CEMIP: variants seen among roughly 807,000 people sequenced by gnomAD.
CEMIP encodes cell migration-inducing and hyaluronan-binding protein.
Under a neutral mutation model 156.9 loss-of-function variants are expected in CEMIP, and 105 were observed. The observed-to-expected ratio is 0.67, with a 90% confidence interval of 0.57 to 0.79. The LOEUF (loss-of-function observed/expected upper bound fraction) is 0.79. Among genes scored for constraint, CEMIP ranks in the 30% least tolerant of loss-of-function variants. The pLI is 0.00. For missense variants in CEMIP, 1,457 were observed against 1,769.4 expected (o/e 0.82, Z 3.17); for synonymous variants, 676 against 668.4 (o/e 1.01, Z -0.17).
chr15:80,862,944 T>A (rs1213386471), intron 1 of CEMIP, among the ~76,000 whole-genome samples: 1 of 152,148 alleles, frequency 6.6e-6, no homozygotes, highest in Non-Finnish European at 1.5e-5. Flanking sequence ...TGGCTTACCT[T>A]TTATCGTGGG....
chr15:80,792,302 A>T (rs115818862), intron 1 of CEMIP, among the ~76,000 whole-genome samples: 1,599 of 152,294 alleles, frequency 0.01, 22 homozygotes, highest in African/African-American at 0.036. Context: ...ACTGTTCTCC[A>T]TATTCTTTCT....
At chr15:80,870,321 C>A (rs1015608155) in intron 1 of CEMIP, among the ~76,000 whole-genome samples, 1 of 152,224 alleles carries the variant, frequency 6.6e-6, no homozygotes, top group South Asian at 2.1e-4. Context: ...TCGCCTCCTG[C>A]CTTACAGCTT....
chr15:80,832,958 G>A (rs1475890653), intron 1 of CEMIP, among the ~76,000 whole-genome samples: 3 of 152,098 alleles, frequency 2.0e-5, no homozygotes, highest in Admixed American at 2.0e-4. Context: ...GCCTTTCCGT[G>A]TGGCTTTCTC....
chr15:80,799,401 A>G (rs74030612), intron 1 of CEMIP, among the ~76,000 whole-genome samples: 1,714 of 152,340 alleles, frequency 0.011, 29 homozygotes, highest in African/African-American at 0.033. Flanking sequence ...AAGAGGCCAC[A>G]CTGGGACTCC....
intron 10 of CEMIP, among the ~76,000 whole-genome samples, chr15:80,892,240 T>C (rs1453834947): frequency 6.6e-6 from 1 of 152,014 alleles, no homozygotes; most frequent in African/African-American, 2.4e-5. Flanking sequence ...TCAAGGACAT[T>C]TGCAACCTAG....
chr15:80,810,643 CCA>C (rs1896646681), intron 1 of CEMIP, among the ~76,000 whole-genome samples: 1 of 152,234 alleles, frequency 6.6e-6, no homozygotes, highest in Non-Finnish European at 1.5e-5. Flanking sequence ...GCGTGAGCCA[CCA>C]TGCCCGGCCT....
At chr15:80,860,959 G>A (rs1014102496) in intron 1 of CEMIP, among the ~76,000 whole-genome samples, 2 of 152,032 alleles carry the variant, frequency 1.3e-5, no homozygotes, top group African/African-American at 4.8e-5. Context: ...CACCTTATCA[G>A]AGAGAGCTTT....
Position 80,878,764 on chromosome 15 carries a change from G to T in CEMIP, c.138G>T (p.Trp46Cys). The change falls in exon 4 of 30, where the codon TGG (tryptophan) becomes TGT (cysteine). Residue 46 changes from tryptophan (W) to cysteine (C), a missense_variant. By Grantham distance (215) the Trp-to-Cys change is radical. Around this residue, in one of 5 missense-constraint regions of CEMIP, gnomAD observed 309 missense variants for 340.8 expected, o/e 0.91. Coordinates refer to ENST00000394685, the MANE Select transcript of CEMIP (RefSeq NM_001293298.2). ...CPDQSPELQP[W>C]NPGHDQDHHV... Reference sequence around the variant, plus strand: ...ACCAGAGCCCTGAGTTGCAACCCTGGAACCCTGGCCATGACCAAGACCACC... The same window carrying T: ...ACCAGAGCCCTGAGTTGCAACCCTGTAACCCTGGCCATGACCAAGACCACC... The T allele has an allele frequency of 6.2e-7, 1 of 1,614,122 alleles. No individual in the cohort carries two copies. Among genetic ancestry groups the T allele is most frequent in the Non-Finnish European group, 8.5e-7 (1 of 1,180,010 alleles).
intron 1 of CEMIP, among the ~76,000 whole-genome samples, chr15:80,848,719 C>A (rs1292313875): frequency 1.3e-5 from 2 of 152,046 alleles, no homozygotes; most frequent in African/African-American, 2.4e-5. Flanking sequence ...GAAGCTGCAC[C>A]CAAGAAACCA....
At chr15:80,940,871 T>C (rs1474762729) in intron 25 of CEMIP, among the ~76,000 whole-genome samples, 1 of 152,156 alleles carries the variant, frequency 6.6e-6, no homozygotes, top group African/African-American at 2.4e-5. Flanking sequence ...TTTCAGCTAC[T>C]TGCTGCAAAC....
Position 80,818,579 on chromosome 15 carries a change from C to A in CEMIP, c.-176+38965C>A, listed in dbSNP as rs151183758. The stretch of plus-strand genomic sequence containing the variant: ...GTCCTGAACTCTAAGCTGCAGGGAG[C>A]ATTACTGATGTCAGAATAGCTCATC... On this transcript the variant is annotated intron_variant, in intron 1 of 29. Coordinates refer to ENST00000394685, the MANE Select transcript of CEMIP (RefSeq NM_001293298.2). 2.6e-3 allele frequency among the ~76,000 whole-genome samples: 391 copies of A among 152,318 alleles called. 1 individual carries two copies. The highest frequency in any genetic ancestry group is 4.6e-3 in the Non-Finnish European group (312 of 68,028).
At chr15:80,923,111 A>ACCTGTGCTTATGCC (rs1567102899) in intron 17 of CEMIP, among the ~76,000 whole-genome samples, 3 of 152,098 alleles carry the variant, frequency 2.0e-5, no homozygotes, top group Non-Finnish European at 4.4e-5. Flanking sequence ...TGCCTAGGAG[A>ACCTGTGCTTATGCC]TAGGGTGGGG....
At chr15:80,851,456 C>T (rs572555508) in intron 1 of CEMIP, among the ~76,000 whole-genome samples, 1 of 152,268 alleles carries the variant, frequency 6.6e-6, no homozygotes, top group East Asian at 1.9e-4. Context: ...AATAAGGTTC[C>T]CTGCCCTGCA....
At chr15:80,884,428 T>G (rs1898766950) in intron 7 of CEMIP, 74 bp downstream of exon 7, 1 of 1,478,446 alleles carries the variant, frequency 6.8e-7, no homozygotes, top group Non-Finnish European at 9.4e-7. Flanking sequence ...GAATTTACCT[T>G]TCCCATCTCC....
intron 19 of CEMIP, among the ~76,000 whole-genome samples, chr15:80,926,987 C>T (rs773994743): frequency 3.9e-5 from 6 of 152,056 alleles, no homozygotes; most frequent in Non-Finnish European, 5.9e-5. Context: ...TGCACCACCA[C>T]GCCAGGCTAA....
intron 1 of CEMIP, among the ~76,000 whole-genome samples, chr15:80,847,620 A>AAATT (rs1269714210): frequency 2.6e-5 from 4 of 152,216 alleles, no homozygotes; most frequent in Non-Finnish European, 5.9e-5. Flanking sequence ...TTTGACAAAC[A>AAATT]GCTGCAATTT....
chr15:80,828,641 G>A (rs994620115), intron 1 of CEMIP, among the ~76,000 whole-genome samples: 3 of 152,122 alleles, frequency 2.0e-5, no homozygotes, highest in Non-Finnish European at 4.4e-5. Context: ...ATACTTCCTA[G>A]CCTATTTATG....
At chr15:80,789,830 A>G (rs1353639196) in intron 1 of CEMIP, among the ~76,000 whole-genome samples, 1 of 152,242 alleles carries the variant, frequency 6.6e-6, no homozygotes, top group Non-Finnish European at 1.5e-5. Context: ...AAACATCTCC[A>G]TATAAAATTT....
At chr15:80,859,063 G>A (rs1011905049) in intron 1 of CEMIP, among the ~76,000 whole-genome samples, 15 of 152,348 alleles carry the variant, frequency 9.8e-5, no homozygotes, top group Admixed American at 6.5e-4. Context: ...AGCTTTCCCA[G>A]TAGTTCCAGC....
Sources: allele counts gnomAD v4.1 joint callset (sites outside exome capture counted in the v4.1 genomes callset), GRCh38; gene constraint gnomAD v4.1.1; regional missense constraint gnomAD v4.1.1; transcripts MANE v1.5; gene names NCBI Gene and HGNC (gene_info 2026-07-23, HGNC 2026-07-21).